TMEM132B: variants seen among roughly 807,000 people sequenced by gnomAD.
TMEM132B encodes transmembrane protein 132B.
In TMEM132B, 18 loss-of-function variants were observed where a neutral mutation model predicts 90.8. The ratio of observed to expected loss-of-function variants is 0.20; its 90% CI spans 0.14 to 0.29. TMEM132B has a LOEUF of 0.29. Among genes scored for constraint, TMEM132B ranks in the 10% least tolerant of loss-of-function variants. The pLI is 1.00. For missense variants in TMEM132B, 1,096 were observed against 1,326.8 expected, an observed-to-expected ratio of 0.83 and a Z score of 2.70; for synonymous variants, 504 against 523.3, an observed-to-expected ratio of 0.96 and a Z score of 0.50.
chr12:125,227,851 G>A (rs1356888251), intron 1 of TMEM132B, among the ~76,000 whole-genome samples: 1 of 152,166 alleles, frequency 6.6e-6, no homozygotes, highest in Non-Finnish European at 1.5e-5. Context: ...CAGCTCCATG[G>A]GGTGGGATAA....
chr12:125,613,223 T>TTA (rs1239041713), intron 5 of TMEM132B, among the ~76,000 whole-genome samples: 2 of 131,110 alleles, frequency 1.5e-5, no homozygotes, highest in East Asian at 2.0e-4. Context: ...ACCCACTATA[T>TTA]TATATATATA....
intron 3 of TMEM132B, among the ~76,000 whole-genome samples, chr12:125,504,953 C>T (rs750802029): frequency 1.3e-5 from 2 of 151,970 alleles, no homozygotes; most frequent in Non-Finnish European, 2.9e-5. Flanking sequence ...CTGCCCAAAT[C>T]TATGGCTGAC....
intron 5 of TMEM132B, among the ~76,000 whole-genome samples, chr12:125,611,497 T>C (rs1885825744): frequency 6.6e-6 from 1 of 151,960 alleles, no homozygotes; most frequent in South Asian, 2.1e-4. Flanking sequence ...GAGCATTAGG[T>C]TATTAATTTG....
chr12:125,431,094 G>A (rs1880488265), intron 3 of TMEM132B, among the ~76,000 whole-genome samples: 1 of 152,166 alleles, frequency 6.6e-6, no homozygotes, highest in Non-Finnish European at 1.5e-5. Flanking sequence ...GGACTTCATA[G>A]GCTCTGAAAA....
At chr12:125,443,308 AG>A (rs1325252096) in intron 3 of TMEM132B, among the ~76,000 whole-genome samples, 4 of 152,230 alleles carry the variant, frequency 2.6e-5, no homozygotes, top group East Asian at 3.8e-4. Flanking sequence ...GAAGAGGGCC[AG>A]TTGTAATTTT....
chr12:125,513,731 G>A (rs1883039699), intron 3 of TMEM132B, among the ~76,000 whole-genome samples: 1 of 152,120 alleles, frequency 6.6e-6, no homozygotes, highest in African/African-American at 2.4e-5. Flanking sequence ...ACTCCAGAAC[G>A]CCCTTCCACT....
chr12:125,652,584 C>T lies in TMEM132B; in HGVS notation c.2058C>T (p.Ala686=), dbSNP rs1020230590. The change falls in exon 8 of 9, where the codon GCC becomes GCT. Residue 686 remains alanine (A), a synonymous_variant. Transcript: ENST00000682704. ...AGCCACACCGAGCAGACAAAAGGGCCATCGTCTCCACAGCTGCTGCCCTGG... is the reference window on the plus strand; with the variant it reads ...AGCCACACCGAGCAGACAAAAGGGCTATCGTCTCCACAGCTGCTGCCCTGG... ...SLQPHRADKR[A]IVSTAAALDV... 6.2e-7 allele frequency: 1 copy of T among 1,613,776 alleles called. No homozygotes were observed. Among genetic ancestry groups the T allele is most frequent in the South Asian group, 1.1e-5 (1 of 91,030 alleles).
chr12:125,488,440 T>C (rs755078591), intron 3 of TMEM132B, among the ~76,000 whole-genome samples: 6 of 152,216 alleles, frequency 3.9e-5, no homozygotes, highest in Non-Finnish European at 8.8e-5. Context: ...ATGTGTCGTT[T>C]GAGGAACCTG....
intron 1 of TMEM132B, among the ~76,000 whole-genome samples, chr12:125,263,808 G>A (rs1874624538): frequency 6.6e-6 from 1 of 152,216 alleles, no homozygotes; most frequent in Admixed American, 6.5e-5. Context: ...CTGTGTTAAT[G>A]GTTTATGGGT....
intron 5 of TMEM132B, among the ~76,000 whole-genome samples, chr12:125,602,977 A>C (rs1423576199): frequency 6.6e-6 from 1 of 152,214 alleles, no homozygotes; most frequent in Non-Finnish European, 1.5e-5. Flanking sequence ...AAAGGGAAAA[A>C]CATTTCATCC....
chr12:125,456,382 A>G (rs1026302916), intron 3 of TMEM132B, among the ~76,000 whole-genome samples: 4 of 152,130 alleles, frequency 2.6e-5, no homozygotes, highest in African/African-American at 9.7e-5. Flanking sequence ...ATAACTGTGC[A>G]TTTTCCCAAA....
intron 1 of TMEM132B, among the ~76,000 whole-genome samples, chr12:125,290,813 A>T (rs994516461): frequency 6.6e-6 from 1 of 152,180 alleles, no homozygotes; most frequent in East Asian, 1.9e-4. Flanking sequence ...TCCAGAGTGT[A>T]TACTTATGAT....
chr12:125,294,331 G>A (rs1204308936), intron 1 of TMEM132B, among the ~76,000 whole-genome samples: 2 of 152,220 alleles, frequency 1.3e-5, no homozygotes, highest in Non-Finnish European at 2.9e-5. Flanking sequence ...CAACAAGCCA[G>A]ACCTGGTAGA....
At chr12:125,644,740 C>T (rs1886716353) in intron 6 of TMEM132B, among the ~76,000 whole-genome samples, 1 of 152,106 alleles carries the variant, frequency 6.6e-6, no homozygotes, top group South Asian at 2.1e-4. Flanking sequence ...TGTTCCCCAC[C>T]ACCATCCCGC....
intron 1 of TMEM132B, among the ~76,000 whole-genome samples, chr12:125,341,008 A>C (rs970824121): frequency 6.6e-6 from 1 of 152,252 alleles, no homozygotes; most frequent in Non-Finnish European, 1.5e-5. Flanking sequence ...CTTTCATTTT[A>C]TGGACAGTGT....
In TMEM132B at chr12:125,653,775, C is replaced by T. The variant is rs1478926285; in HGVS notation, c.2317C>T (p.Pro773Ser). Reference protein sequence around the residue: ...LIKLEMMISEPCQKTKRKSVL... With the variant: ...LIKLEMMISESCQKTKRKSVL... ...TAAGTTAGAAATGATGATAAGTGAA[C>T]CTTGTCAGAAGACCAAGAGGAAGAG... The change falls in exon 9 of 9, where the codon CCT becomes TCT. Residue 773 changes from proline to serine, a missense_variant. Transcript: ENST00000682704. The T allele has an allele frequency of 1.2e-6, 2 of 1,614,126 alleles. No individual in the cohort carries two copies. The highest frequency in any genetic ancestry group is 1.7e-6 in the Non-Finnish European group (2 of 1,180,034).
intron 1 of TMEM132B, among the ~76,000 whole-genome samples, chr12:125,245,312 T>C (rs1228302437): frequency 7.1e-6 from 1 of 140,476 alleles, no homozygotes; most frequent in Non-Finnish European, 1.5e-5. Context: ...AATGACTTGC[T>C]ACTCTGGCCC....
intron 3 of TMEM132B, among the ~76,000 whole-genome samples, chr12:125,509,810 G>A (rs1196460200): frequency 6.6e-6 from 1 of 152,090 alleles, no homozygotes; most frequent in Non-Finnish European, 1.5e-5. Context: ...TCAGAGGACA[G>A]TAACAAGGTT....
chr12:125,289,727 G>C (rs1165627278), intron 1 of TMEM132B, among the ~76,000 whole-genome samples: 3 of 152,344 alleles, frequency 2.0e-5, no homozygotes, highest in Non-Finnish European at 4.4e-5. Flanking sequence ...CTGAGGCACA[G>C]AGACATCAAG....
Sources: gnomAD v4.1 joint callset for allele counts (sites outside exome capture counted in the v4.1 genomes callset) on GRCh38, gnomAD v4.1.1 for gene constraint, MANE v1.5 for transcripts, NCBI Gene and HGNC (gene_info 2026-07-23, HGNC 2026-07-21) for gene names.